Variants in LRPPRC observed in about 807,000 individuals in gnomAD.
LRPPRC encodes leucine-rich PPR motif-containing protein, mitochondrial.
A neutral mutation model predicts 180.3 loss-of-function variants in LRPPRC; 120 were observed. That is an observed-to-expected ratio of 0.67 (90% CI 0.57 to 0.77). The LOEUF is 0.77. Among genes scored for constraint, LRPPRC ranks in the 30% least tolerant of loss-of-function variants. LRPPRC has a pLI of 0.00. For missense variants in LRPPRC, 2,012 were observed against 1,657.2 expected (o/e 1.21, Z -3.72); for synonymous variants, 723 against 600.0 (o/e 1.21, Z -3.00).
At chr2:43,952,658 G>A (rs1672950280) in intron 14 of LRPPRC, among the ~76,000 whole-genome samples, 1 of 152,118 alleles carries the variant, frequency 6.6e-6, no homozygotes, top group Admixed American at 6.5e-5. Flanking sequence ...TTTGTACTAG[G>A]TTCTAAGTGC....
In LRPPRC at chr2:43,966,728, G is replaced by T. The variant is rs1320182943; in HGVS notation, c.1370-3022C>A. 4.0e-5 allele frequency among the ~76,000 whole-genome samples: 6 copies of T among 149,814 alleles called. 1 individual carries two copies. The South Asian group carries it at 6.3e-4, about 16-fold the overall frequency. Reference sequence around the variant, plus strand: ...CGGCCAATACAAAATTTTTAAAAAGGTAACTAGCTAAAAAAAAATAAAAAT... The same window carrying T: ...CGGCCAATACAAAATTTTTAAAAAGTTAACTAGCTAAAAAAAAATAAAAAT... On this transcript the variant is annotated intron_variant, in intron 11 of 37. Transcript: ENST00000260665.
At position 43,896,441 on chromosome 2, in the gene LRPPRC, C is replaced by A. The variant is rs116104003; in HGVS notation, c.3900+193G>T. 1,826 of 519,160 alleles carry A rather than the reference C, an allele frequency of 3.5e-3. 27 individuals carry two copies. The highest frequency in any genetic ancestry group is 0.031 in the African/African-American group (1,611 of 51,704). 32.2% of individuals were successfully genotyped at this position (519,160 alleles called of 1,614,324 possible). A position where few individuals can be genotyped will look rare whatever the true frequency, so the allele number is the denominator to read the frequency against. The stretch of plus-strand genomic sequence containing the variant: ...TACCTGTGTAAGTGGAAAATTCCTG[C>A]GTGAACTTGTTTTACATTTCCAGTA... On this transcript the variant is annotated intron_variant, in intron 35 of 37. Transcript: ENST00000260665.
intron 1 of LRPPRC, among the ~76,000 whole-genome samples, chr2:43,985,965 C>A (rs936552597): frequency 6.6e-6 from 1 of 152,162 alleles, no homozygotes; most frequent in African/African-American, 2.4e-5. Flanking sequence ...TACATGCTTG[C>A]CAGTATTTGG....
At chr2:43,950,642 T>C (rs778442702) in intron 14 of LRPPRC, 42 bp from the exon 15 acceptor site, 2 of 1,455,452 alleles carry the variant, frequency 1.4e-6, no homozygotes, top group South Asian at 1.1e-5. Flanking sequence ...CCCAGGTTTA[T>C]TTTCAAGTAT....
At position 43,899,408 on chromosome 2, in the gene LRPPRC, T is replaced by C; in HGVS notation, c.3709+58A>G. The C allele has an allele frequency of 1.9e-6, 3 of 1,611,022 alleles. No individual in the cohort carries two copies. In the Admixed American group the frequency reaches 5.0e-5, roughly 27 times the overall value. ...ACTCACCTACCAAAGAAATTTGGTC[T>C]AGTCTCACTAGAGAGAAAATGTGCT... On this transcript the variant is annotated intron_variant, in intron 33 of 37. Coordinates refer to ENST00000260665, the MANE Select transcript of LRPPRC (RefSeq NM_133259.4).
chr2:43,915,053 C>CAAAAAAAAAAA (rs71393213), intron 29 of LRPPRC, among the ~76,000 whole-genome samples: 1 of 96,892 alleles, frequency 1.0e-5, no homozygotes, highest in African/African-American at 3.6e-5. Context: ...ACTAAAAATA[C>CAAAAAAAAAAA]AAAAAAAAAA....
chr2:43,974,607 A>G lies in LRPPRC; in HGVS notation c.1009+7T>C. The G allele has an allele frequency of 6.5e-7, 1 of 1,550,012 alleles. No homozygotes were observed. The highest frequency in any genetic ancestry group is 1.4e-5 in the African/African-American group (1 of 73,652). Reference sequence around the variant, plus strand: ...AAAATCATGTAAATAGATTTTTTTAAAACTACCTGGAATATATCTTCTTTC... The same window carrying G: ...AAAATCATGTAAATAGATTTTTTTAGAACTACCTGGAATATATCTTCTTTC... On this transcript the variant is annotated splice_region_variant and intron_variant, in intron 8 of 37. Transcript: ENST00000260665.
chr2:43,934,872 G>C lies in LRPPRC; in HGVS notation c.2511C>G (p.Asp837Glu). The C allele has an allele frequency of 1.2e-6, 2 of 1,612,966 alleles. No individual in the cohort carries two copies. Among genetic ancestry groups the C allele is most frequent in the Non-Finnish European group, 1.7e-6 (2 of 1,179,284 alleles). The change falls in exon 24 of 38, where the codon GAC (aspartate) becomes GAG (glutamate). Residue 837 changes from aspartate to glutamate, a missense_variant. Transcript: ENST00000260665. ...PLVTVHLEKG[D>E]LSTALEVAID... ...TGGCGACCTCAAGAGCAGTAGATAG[G>C]TCGCCCCTTAGAAACAAAAAAATTA... is the stretch of plus-strand genomic sequence containing the variant.
chr2:43,994,877 C>G (rs1674953402), intron 1 of LRPPRC, among the ~76,000 whole-genome samples: 1 of 152,228 alleles, frequency 6.6e-6, no homozygotes, highest in Admixed American at 6.5e-5. Flanking sequence ...ATCTGACACC[C>G]ACTTAGAGTT....
chr2:43,989,486 C>A (rs941534481), intron 1 of LRPPRC, among the ~76,000 whole-genome samples: 1 of 152,198 alleles, frequency 6.6e-6, no homozygotes, highest in Non-Finnish European at 1.5e-5. Context: ...GTGACATGGA[C>A]ACTCTTCAGA....
intron 13 of LRPPRC, 63 bp downstream of exon 13, chr2:43,960,478 C>CA: frequency 1.1e-6 from 1 of 898,382 alleles, no homozygotes; most frequent in Admixed American, 1.7e-5. Flanking sequence ...AACCACCCTG[C>CA]ATGCCCTCAA....
intron 34 of LRPPRC, among the ~76,000 whole-genome samples, chr2:43,897,609 T>A (rs1383455425): frequency 2.0e-5 from 3 of 152,150 alleles, no homozygotes; most frequent in African/African-American, 7.2e-5. Flanking sequence ...GAAGGGTTTA[T>A]CATCTGAAAC....
At chr2:43,903,080 T>C (rs535299552) in intron 31 of LRPPRC, 1 of 152,318 alleles carries the variant, frequency 6.6e-6, no homozygotes, top group South Asian at 2.1e-4. Flanking sequence ...TGAGTGCGCG[T>C]GTGCACAAGA....
chr2:43,922,144 G>A (rs1056693627), intron 27 of LRPPRC, among the ~76,000 whole-genome samples: 1 of 152,098 alleles, frequency 6.6e-6, no homozygotes, highest in African/African-American at 2.4e-5. Context: ...ACAATATATT[G>A]GGAAGGATAG....
At chr2:43,983,930 T>A (rs79851991) in intron 1 of LRPPRC, among the ~76,000 whole-genome samples, 1 of 152,062 alleles carries the variant, frequency 6.6e-6, no homozygotes, top group Non-Finnish European at 1.5e-5. Flanking sequence ...CATCTAGGTA[T>A]AAAATAATGG....
chr2:43,970,525 T>C (rs1673758113), intron 11 of LRPPRC, among the ~76,000 whole-genome samples: 1 of 152,160 alleles, frequency 6.6e-6, no homozygotes. Flanking sequence ...TTACATTAAC[T>C]TAGATATAAA....
chr2:43,946,526 A>G (rs1329216636), intron 20 of LRPPRC, among the ~76,000 whole-genome samples: 1 of 152,082 alleles, frequency 6.6e-6, no homozygotes, highest in Non-Finnish European at 1.5e-5. Context: ...TATTATTTAA[A>G]AAAGACTTCC....
At chr2:43,900,028 G>A (rs975519748) in intron 32 of LRPPRC, among the ~76,000 whole-genome samples, 3 of 152,066 alleles carry the variant, frequency 2.0e-5, no homozygotes, top group Non-Finnish European at 4.4e-5. Context: ...TCCACAACTT[G>A]TCACTACTGC....
chr2:43,975,012 A>G (rs1474962825), intron 7 of LRPPRC, 79 bp downstream of exon 7: 8 of 1,442,512 alleles, frequency 5.5e-6, no homozygotes, highest in Non-Finnish European at 6.8e-6. Flanking sequence ...TATAAACTTC[A>G]CTTTCCTGCC....
Sources: gnomAD v4.1 joint callset for allele counts (sites outside exome capture counted in the v4.1 genomes callset) on GRCh38, gnomAD v4.1.1 for gene constraint, MANE v1.5 for transcripts, NCBI Gene and HGNC (gene_info 2026-07-23, HGNC 2026-07-21) for gene names.